Variants in MEIS2 observed in about 807,000 individuals in gnomAD.
MEIS2 encodes the protein homeobox protein Meis2.
In MEIS2, 9 loss-of-function variants were observed where a neutral mutation model predicts 58.6. The observed-to-expected ratio is 0.15, with a 90% CI of 0.09 to 0.27. The LOEUF is 0.27. MEIS2 is among the 10% of genes least tolerant of loss of function. The pLI is 1.00. For missense variants in MEIS2, 427 were observed against 635.0 expected (o/e 0.67, Z 3.52); for synonymous variants, 221 against 228.4 (o/e 0.97, Z 0.29).
At chr15:36,970,037 A>G in intron 8 of MEIS2, among the ~76,000 whole-genome samples, 1 of 152,204 alleles carries the variant, frequency 6.6e-6, no homozygotes, top group East Asian at 1.9e-4. Context: ...TAACCTAGCT[A>G]TATAGACAGT....
chr15:36,985,486 G>T (rs749740236), intron 8 of MEIS2, among the ~76,000 whole-genome samples: 1 of 151,958 alleles, frequency 6.6e-6, no homozygotes, highest in Non-Finnish European at 1.5e-5. Context: ...GTATTCTGAT[G>T]ATCTTTTCTG....
intron 7 of MEIS2, among the ~76,000 whole-genome samples, chr15:37,067,276 G>A (rs1890080454): frequency 6.6e-6 from 1 of 151,878 alleles, no homozygotes; most frequent in African/African-American, 2.4e-5. Flanking sequence ...TTTTTGTAGA[G>A]ACAGGGTTTC....
At chr15:37,039,724 T>A (rs2062334441) in intron 7 of MEIS2, among the ~76,000 whole-genome samples, 1 of 152,190 alleles carries the variant, frequency 6.6e-6, no homozygotes, top group Non-Finnish European at 1.5e-5. Flanking sequence ...CCGTTGTATA[T>A]AAATGTAAAA....
chr15:37,083,955 C>A (rs572930618), intron 6 of MEIS2, 70 bp from the exon 7 acceptor site: 1 of 1,399,628 alleles, frequency 7.1e-7, no homozygotes. Context: ...CCAAAAGGAA[C>A]GGCACAGAAA....
chr15:36,933,622 G>A (rs1042805178), intron 9 of MEIS2, among the ~76,000 whole-genome samples: 2 of 151,440 alleles, frequency 1.3e-5, no homozygotes, highest in East Asian at 3.9e-4. Flanking sequence ...GGCGGGGGGC[G>A]GAAATTTGGA....
intron 9 of MEIS2, among the ~76,000 whole-genome samples, chr15:36,932,897 G>A (rs997791573): frequency 3.3e-5 from 5 of 152,192 alleles, no homozygotes; most frequent in Non-Finnish European, 4.4e-5. Context: ...GCTAGAAAGA[G>A]ATTATTCAAA....
At chr15:36,933,606 G>C (rs758051385) in intron 9 of MEIS2, among the ~76,000 whole-genome samples, 2 of 151,600 alleles carry the variant, frequency 1.3e-5, no homozygotes, top group Non-Finnish European at 2.9e-5. Flanking sequence ...GTGTGTGGTG[G>C]GGGTGGGCGG....
intron 7 of MEIS2, among the ~76,000 whole-genome samples, chr15:37,060,065 A>T (rs1257589009): frequency 6.6e-6 from 1 of 152,110 alleles, no homozygotes; most frequent in East Asian, 1.9e-4. Context: ...CAGCCTCTCA[A>T]GTAACTAGGG....
At chr15:36,990,244 C>T (rs1254440592) in intron 8 of MEIS2, among the ~76,000 whole-genome samples, 1 of 152,002 alleles carries the variant, frequency 6.6e-6, no homozygotes, top group Non-Finnish European at 1.5e-5. Context: ...CGCGCCCGGC[C>T]TGGAAGCAGT....
At position 37,098,183 on chromosome 15, in the gene MEIS2, T is replaced by C. The variant is rs767120205; in HGVS notation, c.29A>G (p.His10Arg). 3 of 1,600,874 alleles carry C rather than the reference T, an allele frequency of 1.9e-6. No individual in the cohort carries two copies. Among genetic ancestry groups the C allele is most frequent in the East Asian group, 4.5e-5 (2 of 44,502 alleles). The change falls in exon 2 of 12, where the codon CAT becomes CGT. Residue 10 changes from histidine to arginine, a missense_variant. Around this residue, in one of 6 missense-constraint regions of MEIS2, gnomAD observed 103 missense variants for 111.8 expected, o/e 0.92. Transcript: ENST00000561208. MAQRYDELPHYGGMDGVGVP... is the reference protein window; with the variant it reads MAQRYDELPRYGGMDGVGVP... ...CCCTACTCCGTCCATCCCGCCGTAA[T>C]GGGGCAGCTCATCGTACTGTCAGAA...
In MEIS2 at chr15:37,095,762, G is replaced by A; in HGVS notation, c.388-148C>T. On this transcript the variant is annotated intron_variant, in intron 3 of 11. Coordinates refer to ENST00000561208, the MANE Select transcript of MEIS2 (RefSeq NM_170675.5). Reference sequence around the variant, plus strand: ...AGAAAGAAACTGGTGCCTTAAATTAGTGGAGTCCCTGAAGAAGAATCAGGG... The same window carrying A: ...AGAAAGAAACTGGTGCCTTAAATTAATGGAGTCCCTGAAGAAGAATCAGGG... 7 of 1,143,500 alleles carry A rather than the reference G, an allele frequency of 6.1e-6. No homozygotes were observed. The South Asian group carries it at 9.9e-5, about 16-fold the overall frequency. 70.8% of individuals were successfully genotyped at this position (1,143,500 alleles called of 1,614,324 possible).
chr15:37,095,159 A>G (rs1243329351), intron 4 of MEIS2: 2 of 183,434 alleles, frequency 1.1e-5, no homozygotes, highest in Admixed American at 1.1e-4. Flanking sequence ...CCTGCCCCTC[A>G]CCGCCCCCCA....
intron 8 of MEIS2, among the ~76,000 whole-genome samples, chr15:36,958,413 G>A (rs1238612540): frequency 6.6e-6 from 1 of 152,092 alleles, no homozygotes; most frequent in Non-Finnish European, 1.5e-5. Flanking sequence ...AAAAAGGTGA[G>A]TACCTTAGGA....
At chr15:37,049,651 T>C (rs2062828053) in intron 7 of MEIS2, among the ~76,000 whole-genome samples, 1 of 151,988 alleles carries the variant, frequency 6.6e-6, no homozygotes, top group Non-Finnish European at 1.5e-5. Flanking sequence ...CATGCCTGGC[T>C]AATTTTTTGT....
At chr15:37,049,837 G>T (rs557843137) in intron 7 of MEIS2, among the ~76,000 whole-genome samples, 1 of 151,084 alleles carries the variant, frequency 6.6e-6, no homozygotes, top group African/African-American at 2.4e-5. Context: ...AAATAAGCAT[G>T]CTGGAAGAAA....
chr15:36,922,065 G>A (rs992241412), intron 9 of MEIS2, among the ~76,000 whole-genome samples: 4 of 152,188 alleles, frequency 2.6e-5, no homozygotes, highest in African/African-American at 9.6e-5. Flanking sequence ...TGTCTGGCAA[G>A]TTTGCCTTCC....
At chr15:36,904,785 A>G (rs2056647502) in intron 9 of MEIS2, among the ~76,000 whole-genome samples, 1 of 152,166 alleles carries the variant, frequency 6.6e-6, no homozygotes, top group African/African-American at 2.4e-5. Context: ...TTTCATTACC[A>G]CTGATTTATA....
At chr15:37,070,747 A>T (rs1284350592) in intron 7 of MEIS2, among the ~76,000 whole-genome samples, 2 of 152,128 alleles carry the variant, frequency 1.3e-5, no homozygotes, top group African/African-American at 4.8e-5. Flanking sequence ...TGCTAAAAAA[A>T]TTTATAAAAA....
At chr15:37,012,625 G>A (rs975509247) in intron 8 of MEIS2, among the ~76,000 whole-genome samples, 3 of 152,050 alleles carry the variant, frequency 2.0e-5, no homozygotes, top group East Asian at 1.9e-4. Context: ...ATCTATATAC[G>A]GCCTATTTTA....
Sources: allele counts gnomAD v4.1 joint callset (sites outside exome capture counted in the v4.1 genomes callset), GRCh38; gene constraint gnomAD v4.1.1; regional missense constraint gnomAD v4.1.1; transcripts MANE v1.5; gene names NCBI Gene and HGNC (gene_info 2026-07-23, HGNC 2026-07-21).